The following PTPRT variants were observed in gnomAD, a reference collection of about 807,000 sequenced individuals.
PTPRT encodes protein tyrosine phosphatase receptor type T.
Under a neutral mutation model 176.8 loss-of-function variants are expected in PTPRT, and 56 were observed. The observed-to-expected ratio is 0.32, with a 90% CI of 0.26 to 0.40. PTPRT has a LOEUF of 0.40. Among genes scored for constraint, PTPRT ranks in the 10% least tolerant of loss-of-function variants. The pLI is 1.00. For missense variants in PTPRT, 1,540 were observed against 1,908.2 expected (o/e 0.81, Z 3.60); for synonymous variants, 783 against 739.0 (o/e 1.06, Z -0.96).
the PTPRT span, among the ~76,000 whole-genome samples, chr20:42,040,419 TG>T: frequency 1.5e-3 from 232 of 152,272 alleles, 1 homozygote; most frequent in African/African-American, 5.0e-3. Flanking sequence ...CTAAGAGACT[TG>T]GCTTTCTCTG....
At chr20:42,963,136 T>C (rs1982098648) in intron 1 of PTPRT, among the ~76,000 whole-genome samples, 2 of 152,092 alleles carry the variant, frequency 1.3e-5, no homozygotes. Flanking sequence ...GAGGTGAAGC[T>C]TGCAGTGAGC....
chr20:42,402,483 TAAAAAAAAAAAAAAA>T (rs3061921), intron 9 of PTPRT, among the ~76,000 whole-genome samples: 2 of 95,158 alleles, frequency 2.1e-5, no homozygotes, highest in Non-Finnish European at 2.0e-5. Context: ...ATAGTGCAGT[TAAAAAAAAAAAAAAA>T]AAAAAAAAAA....
intron 7 of PTPRT, among the ~76,000 whole-genome samples, chr20:42,480,817 G>C (rs372906726): frequency 6.6e-6 from 1 of 152,066 alleles, no homozygotes; most frequent in South Asian, 2.1e-4. Flanking sequence ...CCCAACAACT[G>C]CATTATTAGA....
intron 1 of PTPRT, among the ~76,000 whole-genome samples, chr20:43,071,914 T>C (rs1278491307): frequency 6.6e-6 from 1 of 152,258 alleles, no homozygotes; most frequent in Non-Finnish European, 1.5e-5. Flanking sequence ...GCTGCCCCAC[T>C]TAAACAGTCA....
intron 1 of PTPRT, among the ~76,000 whole-genome samples, chr20:42,914,906 T>C (rs1051931435): frequency 6.6e-6 from 1 of 151,916 alleles, no homozygotes; most frequent in Non-Finnish European, 1.5e-5. Context: ...TACCAAACAT[T>C]GCACCCAATC....
chr20:42,627,755 AT>A (rs931660634), intron 7 of PTPRT, among the ~76,000 whole-genome samples: 38 of 149,974 alleles, frequency 2.5e-4, no homozygotes, highest in Middle Eastern at 3.4e-3. Context: ...TGTCTTTCGT[AT>A]TTTTTTTTTA....
At chr20:42,641,490 A>G (rs1022392736) in intron 7 of PTPRT, among the ~76,000 whole-genome samples, 2 of 152,124 alleles carry the variant, frequency 1.3e-5, no homozygotes, top group Non-Finnish European at 2.9e-5. Flanking sequence ...TTACAGAGTC[A>G]TTAATGAGGG....
intron 2 of PTPRT, among the ~76,000 whole-genome samples, chr20:42,803,335 C>T (rs754644795): frequency 1.3e-5 from 2 of 152,216 alleles, no homozygotes; most frequent in Non-Finnish European, 2.9e-5. Flanking sequence ...TCTGGGTCCC[C>T]CAGGGGATGC....
intron 1 of PTPRT, among the ~76,000 whole-genome samples, chr20:42,898,462 C>G (rs1041832647): frequency 1.3e-5 from 2 of 152,174 alleles, no homozygotes; most frequent in Admixed American, 1.3e-4. Flanking sequence ...CCCTCCTGGG[C>G]CTTCCAAAGC....
At chr20:42,673,522 G>T (rs1248911275) in intron 7 of PTPRT, among the ~76,000 whole-genome samples, 1 of 152,112 alleles carries the variant, frequency 6.6e-6, no homozygotes, top group East Asian at 1.9e-4. Flanking sequence ...ATAAACAACA[G>T]AAATTTACTT....
At chr20:43,137,123 C>CT (rs1378690939) in intron 1 of PTPRT, among the ~76,000 whole-genome samples, 1 of 152,192 alleles carries the variant, frequency 6.6e-6, no homozygotes, top group Admixed American at 6.5e-5. Flanking sequence ...CCTTCCTAAC[C>CT]AACCCTTAGA....
chr20:42,201,950 C>CGTGTGTGTGTGTGTGTGTGTGTGT lies in PTPRT; in HGVS notation c.2343-2586_2343-2563dup, dbSNP rs11468258. ...ATCCCAACCAAGAAGAGAAAAGTTGCGTGTGTGTGTGTGTGTGTGTGTGTG... is the reference window on the plus strand; with the variant it reads ...ATCCCAACCAAGAAGAGAAAAGTTGCGTGTGTGTGTGTGTGTGTGTGTGTGTGTGTGTGTGTGTGTGTGTGTGTG... On this transcript the variant is annotated intron_variant, in intron 15 of 30. Coordinates refer to ENST00000373187, the MANE Select transcript of PTPRT (RefSeq NM_007050.6). Among the ~76,000 whole-genome samples, 1,209 of 143,142 alleles carry CGTGTGTGTGTGTGTGTGTGTGTGT rather than the reference C, an allele frequency of 8.4e-3. 18 individuals carry two copies. Among genetic ancestry groups the CGTGTGTGTGTGTGTGTGTGTGTGT allele is most frequent in the Non-Finnish European group, 0.011 (698 of 65,882 alleles). 93.9% of individuals were successfully genotyped at this position (143,142 alleles called of 152,430 possible).
At chr20:43,123,897 C>T (rs1246650296) in intron 1 of PTPRT, among the ~76,000 whole-genome samples, 1 of 152,144 alleles carries the variant, frequency 6.6e-6, no homozygotes, top group African/African-American at 2.4e-5. Flanking sequence ...ATGTGTGTTG[C>T]CATTGATTCG....
intron 9 of PTPRT, among the ~76,000 whole-genome samples, chr20:42,384,472 G>A (rs1480560149): frequency 1.3e-5 from 2 of 152,148 alleles, no homozygotes; most frequent in African/African-American, 4.8e-5. Context: ...AAAATGGCTT[G>A]AAGAATAGAC....
At chr20:42,544,679 T>C (rs913123031) in intron 7 of PTPRT, among the ~76,000 whole-genome samples, 1 of 152,196 alleles carries the variant, frequency 6.6e-6, no homozygotes, top group Non-Finnish European at 1.5e-5. Context: ...GAGAGTAGCC[T>C]GGCTGTTTAT....
chr20:42,428,650 T>A (rs1056971935), intron 9 of PTPRT, among the ~76,000 whole-genome samples: 1 of 152,214 alleles, frequency 6.6e-6, no homozygotes, highest in Admixed American at 6.5e-5. Flanking sequence ...TGAATATGTC[T>A]ACTCAGTTGC....
intron 11 of PTPRT, among the ~76,000 whole-genome samples, chr20:42,319,962 G>C (rs538238746): frequency 6.6e-6 from 1 of 151,940 alleles, no homozygotes; most frequent in Non-Finnish European, 1.5e-5. Context: ...CATGAGAGAA[G>C]AATAACCTAA....
chr20:42,378,510 C>T (rs184762331), intron 9 of PTPRT, among the ~76,000 whole-genome samples: 1 of 152,098 alleles, frequency 6.6e-6, no homozygotes, highest in East Asian at 1.9e-4. Flanking sequence ...CCCACTAGAC[C>T]GAGTTCTCCA....
chr20:42,569,660 T>C (rs888993372), intron 7 of PTPRT, among the ~76,000 whole-genome samples: 2 of 152,110 alleles, frequency 1.3e-5, no homozygotes, highest in African/African-American at 4.8e-5. Flanking sequence ...CAAATGAGAA[T>C]GGGTTCCATT....
Sources: gnomAD v4.1 joint callset for allele counts (sites outside exome capture counted in the v4.1 genomes callset) on GRCh38, gnomAD v4.1.1 for gene constraint, MANE v1.5 for transcripts, NCBI Gene and HGNC (gene_info 2026-07-23, HGNC 2026-07-21) for gene names.